The following PDZD8 variants were observed in gnomAD, a reference collection of about 807,000 sequenced individuals.
PDZD8 encodes PDZ domain-containing protein 8.
Under a neutral mutation model 85.8 loss-of-function variants are expected in PDZD8, and 14 were observed. The ratio of observed to expected loss-of-function variants is 0.16; its 90% CI spans 0.11 to 0.26. PDZD8 has a LOEUF of 0.26. Among genes scored for constraint, PDZD8 ranks in the 10% least tolerant of loss-of-function variants. PDZD8 has a pLI of 1.00. For missense variants in PDZD8, 1,197 were observed against 1,424.3 expected, an observed-to-expected ratio of 0.84 and a Z score of 2.57; for synonymous variants, 592 against 568.6, an observed-to-expected ratio of 1.04 and a Z score of -0.59.
At chr10:117,315,321 G>A (rs1018352282) in intron 3 of PDZD8, among the ~76,000 whole-genome samples, 3 of 152,078 alleles carry the variant, frequency 2.0e-5, no homozygotes, top group South Asian at 2.1e-4. Context: ...GAGGCCAGGC[G>A]CGGTGGCTCA....
intron 4 of PDZD8, among the ~76,000 whole-genome samples, chr10:117,288,553 G>A (rs2133762443): frequency 6.6e-6 from 1 of 152,226 alleles, no homozygotes. Context: ...TTGTTGCCCA[G>A]GCTGGAGTGC....
chr10:117,309,213 T>C (rs964644884), intron 3 of PDZD8, among the ~76,000 whole-genome samples: 1 of 152,128 alleles, frequency 6.6e-6, no homozygotes, highest in Non-Finnish European at 1.5e-5. Context: ...TTAAGTTTTA[T>C]GACTGTTGCC....
At chr10:117,345,482 G>C (rs2255385) in intron 1 of PDZD8, among the ~76,000 whole-genome samples, 1 of 152,024 alleles carries the variant, frequency 6.6e-6, no homozygotes. Flanking sequence ...TAACACTAGT[G>C]GGGGGGTAAG....
intron 2 of PDZD8, among the ~76,000 whole-genome samples, 186 bp downstream of exon 2, chr10:117,340,794 T>C (rs972285478): frequency 1.3e-5 from 2 of 152,194 alleles, no homozygotes; most frequent in African/African-American, 4.8e-5. Context: ...ATTAAAACAC[T>C]TTCTAAAATA....
At position 117,283,186 on chromosome 10, in the gene PDZD8, G is replaced by A. The variant is rs1000989144; in HGVS notation, c.*82C>T. On this transcript the variant is annotated 3_prime_UTR_variant, in exon 5 of 5. Coordinates refer to ENST00000334464, the MANE Select transcript of PDZD8 (RefSeq NM_173791.5). Reference sequence around the variant, plus strand: ...TGGAGAAGCAGGCCAGAGTGCATACGAGGATTTAAACATGGTTGTATCTGT... The same window carrying A: ...TGGAGAAGCAGGCCAGAGTGCATACAAGGATTTAAACATGGTTGTATCTGT... 1.6e-5 allele frequency: 22 copies of A among 1,380,790 alleles called. No individual in the cohort carries two copies. The highest frequency in any genetic ancestry group is 4.4e-5 in the African/African-American group (3 of 68,946). The allele number at this position is 1,380,790 out of a possible 1,614,324, so 85.5% of individuals were successfully genotyped here.
chr10:117,297,673 A>G (rs1253134062), intron 3 of PDZD8, among the ~76,000 whole-genome samples: 1 of 152,142 alleles, frequency 6.6e-6, no homozygotes, highest in East Asian at 1.9e-4. Flanking sequence ...TAAGTAAAAA[A>G]CATACTATTT....
chr10:117,281,183 A>C lies in PDZD8; in HGVS notation c.*2085T>G, dbSNP rs1280141296. The C allele has an allele frequency of 1.3e-5, 2 of 152,046 alleles. No individual in the cohort carries two copies. Among genetic ancestry groups the C allele is most frequent in the African/African-American group, 4.8e-5 (2 of 41,386 alleles). 9.4% of individuals were successfully genotyped at this position (152,046 alleles called of 1,614,324 possible). ...GGAGATCGAGACCATCCTGGCTAAC[A>C]TGGTGAAACCCCGTCTCTACTAAAA... is the stretch of plus-strand genomic sequence containing the variant. On this transcript the variant is annotated 3_prime_UTR_variant, in exon 5 of 5. Transcript: ENST00000334464.
In PDZD8 at chr10:117,278,095, G is replaced by A. The variant is rs1282431580; in HGVS notation, c.*5173C>T. On this transcript the variant is annotated 3_prime_UTR_variant, in exon 5 of 5. Transcript: ENST00000334464. ...ACATGTACCTTATACTGTCAAGGTT[G>A]TTTAAACATGATAAGGTTAATCGCC... The A allele has an allele frequency of 6.6e-6, 1 of 152,188 alleles. No individual in the cohort carries two copies. Among genetic ancestry groups the A allele is most frequent in the Admixed American group, 6.5e-5 (1 of 15,288 alleles). The allele number at this position is 152,188 out of a possible 1,614,324, so 9.4% of individuals were successfully genotyped here.
intron 2 of PDZD8, among the ~76,000 whole-genome samples, chr10:117,330,467 G>A (rs1844402739): frequency 1.3e-5 from 2 of 152,130 alleles, no homozygotes; most frequent in South Asian, 2.1e-4. Flanking sequence ...ATAACATGCA[G>A]AAAATAATCA....
Position 117,281,335 on chromosome 10 carries a change from C to A in PDZD8, c.*1933G>T. The A allele has an allele frequency of 8.4e-6, 1 of 118,822 alleles. No homozygotes were observed. The highest frequency in any genetic ancestry group is 1.7e-5 in the Non-Finnish European group (1 of 60,082). The allele number at this position is 118,822 out of a possible 1,614,324, so 7.4% of individuals were successfully genotyped here. A position where few individuals can be genotyped will look rare whatever the true frequency, so the allele number is the denominator to read the frequency against. On this transcript the variant is annotated 3_prime_UTR_variant, in exon 5 of 5. Transcript: ENST00000334464. ...TGCCACTGCACTCCAGCCTGGGAGA[C>A]AGCGAGACTCTGTCTCAAAAAAAAA...
chr10:117,338,528 TA>T (rs954058696), intron 2 of PDZD8, among the ~76,000 whole-genome samples: 1 of 152,148 alleles, frequency 6.6e-6, no homozygotes, highest in African/African-American at 2.4e-5. Context: ...AGGTGATAAA[TA>T]AAACAACATA....
intron 1 of PDZD8, among the ~76,000 whole-genome samples, chr10:117,349,772 C>T (rs1844772094): frequency 6.6e-6 from 1 of 151,940 alleles, no homozygotes; most frequent in South Asian, 2.1e-4. Flanking sequence ...CACCGCACTT[C>T]AGCCTGGGTG....
intron 2 of PDZD8, among the ~76,000 whole-genome samples, chr10:117,335,684 T>C (rs1390748880): frequency 6.6e-6 from 1 of 152,164 alleles, no homozygotes; most frequent in African/African-American, 2.4e-5. Context: ...ATGAACACCA[T>C]AATCACACCA....
intron 1 of PDZD8, among the ~76,000 whole-genome samples, chr10:117,366,162 G>A (rs959396969): frequency 6.6e-6 from 1 of 152,126 alleles, no homozygotes; most frequent in Non-Finnish European, 1.5e-5. Flanking sequence ...AAGAAGGTAA[G>A]CAAAATAATG....
At chr10:117,285,712 G>A (rs1844650768) in intron 4 of PDZD8, 5 of 1,185,104 alleles carry the variant, frequency 4.2e-6, no homozygotes, top group Non-Finnish European at 5.2e-6. Flanking sequence ...ACCAGATGAT[G>A]ACACAGGATC....
chr10:117,291,444 G>T lies in PDZD8; in HGVS notation c.1099-1096C>A, dbSNP rs113613679. On this transcript the variant is annotated intron_variant, in intron 3 of 4. Coordinates refer to ENST00000334464, the MANE Select transcript of PDZD8 (RefSeq NM_173791.5). ...CTCGGGAGCCTGAGGCAGGAGAATG[G>T]CATGAACCCGGGAGGCAGAGGTTGA... is the stretch of plus-strand genomic sequence containing the variant. Among the ~76,000 whole-genome samples the T allele has an allele frequency of 3.6e-3, 542 of 151,532 alleles. 3 individuals carry two copies. Among genetic ancestry groups the T allele is most frequent in the African/African-American group, 0.012 (512 of 41,314 alleles).
intron 2 of PDZD8, among the ~76,000 whole-genome samples, chr10:117,324,357 A>C (rs1844280184): frequency 6.6e-6 from 1 of 152,046 alleles, no homozygotes. Flanking sequence ...AGATTCCTAG[A>C]AATCTAATAG....
At chr10:117,292,630 G>C (rs1339929867) in intron 3 of PDZD8, among the ~76,000 whole-genome samples, 1 of 151,782 alleles carries the variant, frequency 6.6e-6, no homozygotes, top group Non-Finnish European at 1.5e-5. Context: ...GGAGATTCAG[G>C]GGGTAGGATT....
intron 3 of PDZD8, among the ~76,000 whole-genome samples, chr10:117,294,561 T>C (rs1843724539): frequency 6.6e-6 from 1 of 152,200 alleles, no homozygotes; most frequent in Admixed American, 6.5e-5. Context: ...CTTCCTTGAT[T>C]ACTGCAGTAC....
Sources: gnomAD v4.1 joint callset for allele counts (sites outside exome capture counted in the v4.1 genomes callset) on GRCh38, gnomAD v4.1.1 for gene constraint, MANE v1.5 for transcripts, NCBI Gene and HGNC (gene_info 2026-07-23, HGNC 2026-07-21) for gene names.